Variants in RASAL2 observed in about 807,000 individuals in gnomAD.
RASAL2 encodes RAS protein activator like 2.
RASAL2 carries 58 observed loss-of-function variants against 128.9 expected under a neutral mutation model. That is an observed-to-expected ratio of 0.45 (90% CI 0.36 to 0.56). The LOEUF (loss-of-function observed/expected upper bound fraction) is 0.56, where lower values mean the gene tolerates loss of function less well. Among genes scored for constraint, RASAL2 ranks in the 20% least tolerant of loss-of-function variants. The probability of loss-of-function intolerance (pLI) is 0.00; values close to 1 mark genes in which losing one functional copy is unlikely to be tolerated. For synonymous variants in RASAL2, 561 were observed against 580.8 expected (o/e 0.97, Z 0.49); for missense variants, 1,360 against 1,601.6 (o/e 0.85, Z 2.57).
intron 1 of RASAL2, among the ~76,000 whole-genome samples, chr1:178,161,426 A>G (rs1661291284): frequency 6.6e-6 from 1 of 152,222 alleles, no homozygotes; most frequent in Non-Finnish European, 1.5e-5. Context: ...TTCAAGATTC[A>G]TCCATATTAT....
chr1:178,402,252 C>T lies in RASAL2; in HGVS notation c.564+12046C>T, dbSNP rs200552598. On this transcript the variant is annotated intron_variant, in intron 4 of 17. Coordinates refer to ENST00000367649, the MANE Select transcript of RASAL2 (RefSeq NM_170692.4). ...CCAACATGTTGAAAGCCCGTCTCTA[C>T]TAAAAATACAAAAAATTAGCCAGGT... Among the ~76,000 whole-genome samples the T allele has an allele frequency of 3.3e-5, 5 of 152,200 alleles. No homozygotes were observed. In the East Asian group the frequency reaches 9.7e-4, roughly 29 times the overall value.
chr1:178,274,193 T>C (rs187328762), intron 1 of RASAL2, among the ~76,000 whole-genome samples: 15 of 152,284 alleles, frequency 9.9e-5, no homozygotes, highest in Admixed American at 6.5e-4. Flanking sequence ...AGAGGTGATA[T>C]CACAGCATTG....
intron 3 of RASAL2, among the ~76,000 whole-genome samples, chr1:178,330,812 T>G (rs1264156378): frequency 6.6e-6 from 1 of 152,212 alleles, no homozygotes; most frequent in Admixed American, 6.5e-5. Flanking sequence ...ACCTTTCATC[T>G]TCATTTATGG....
intron 1 of RASAL2, among the ~76,000 whole-genome samples, chr1:178,222,267 C>A (rs746967991): frequency 8.6e-5 from 13 of 152,028 alleles, no homozygotes; most frequent in Non-Finnish European, 1.8e-4. Flanking sequence ...TTATTAATAT[C>A]TACCATATTA....
chr1:178,112,937 AATC>A (rs1362914236), intron 1 of RASAL2, among the ~76,000 whole-genome samples: 2 of 152,156 alleles, frequency 1.3e-5, no homozygotes, highest in African/African-American at 4.8e-5. Flanking sequence ...AAAAAAAAGA[AATC>A]ATGGTCTAGC....
chr1:178,323,800 C>T (rs1214537684), intron 3 of RASAL2, among the ~76,000 whole-genome samples: 2 of 152,042 alleles, frequency 1.3e-5, no homozygotes, highest in African/African-American at 4.8e-5. Context: ...CTTTTTGCTG[C>T]ATTTCACAAA....
intron 1 of RASAL2, among the ~76,000 whole-genome samples, chr1:178,281,620 A>C (rs1352709942): frequency 2.0e-5 from 3 of 152,282 alleles, no homozygotes; most frequent in South Asian, 2.1e-4. Flanking sequence ...TACAGTACGC[A>C]GTTTAGGTCA....
At chr1:178,152,807 T>C (rs1346332697) in intron 1 of RASAL2, among the ~76,000 whole-genome samples, 1 of 152,216 alleles carries the variant, frequency 6.6e-6, no homozygotes, top group East Asian at 1.9e-4. Flanking sequence ...GCCAGTCTTG[T>C]TTCGTTTGAA....
In RASAL2 at chr1:178,205,557, C is replaced by T. The variant is rs112230430; in HGVS notation, c.203-78007C>T. Among the ~76,000 whole-genome samples the T allele has an allele frequency of 2.2e-3, 331 of 151,970 alleles. 1 individual carries two copies. The highest frequency in any genetic ancestry group is 3.9e-3 in the Non-Finnish European group (263 of 67,974). Reference sequence around the variant, plus strand: ...TGATCACGACGTCAGGAGATCGAGACCATCCTGGCCAACATGGTGAAACCC... The same window carrying T: ...TGATCACGACGTCAGGAGATCGAGATCATCCTGGCCAACATGGTGAAACCC... On this transcript the variant is annotated intron_variant, in intron 1 of 17. Transcript: ENST00000367649.
intron 6 of RASAL2, among the ~76,000 whole-genome samples, chr1:178,441,059 G>A (rs1572078857): frequency 8.1e-6 from 1 of 123,602 alleles, no homozygotes; most frequent in South Asian, 2.3e-4. Context: ...AATTTCCTTG[G>A]ATGAATTTAA....
chr1:178,141,576 G>C (rs984548348), intron 1 of RASAL2, among the ~76,000 whole-genome samples: 11 of 151,776 alleles, frequency 7.2e-5, no homozygotes, highest in African/African-American at 2.4e-4. Flanking sequence ...AAACCCAAGT[G>C]CTGTTGGGGA....
chr1:178,467,543 C>T (rs10913556), intron 17 of RASAL2, 122 bp downstream of exon 17: 138,707 of 729,796 alleles, frequency 0.19, 19,056 homozygotes, highest in African/African-American at 0.59. Context: ...GTTCTAGACG[C>T]TACATTTTGA....
chr1:178,244,594 A>G (rs1664682963), intron 1 of RASAL2, among the ~76,000 whole-genome samples: 1 of 152,172 alleles, frequency 6.6e-6, no homozygotes, highest in Admixed American at 6.5e-5. Context: ...GTTCTGGGAT[A>G]TATGTGCTTA....
chr1:178,438,881 C>CTCTGTGTGTGTG (rs1239809916), intron 5 of RASAL2, among the ~76,000 whole-genome samples: 73 of 129,466 alleles, frequency 5.6e-4, no homozygotes, highest in African/African-American at 1.9e-3. Context: ...AGCTTCGACT[C>CTCTGTGTGTGTG]TGTGTGTGTG....
At chr1:178,305,616 G>A (rs1397395650) in intron 3 of RASAL2, among the ~76,000 whole-genome samples, 1 of 152,126 alleles carries the variant, frequency 6.6e-6, no homozygotes, top group African/African-American at 2.4e-5. Flanking sequence ...TGGGAAGACT[G>A]GGAGAAACTA....
chr1:178,097,266 A>C (rs1331278401), intron 1 of RASAL2, among the ~76,000 whole-genome samples: 2 of 152,208 alleles, frequency 1.3e-5, no homozygotes, highest in Non-Finnish European at 2.9e-5. Context: ...TTCAGCATAA[A>C]AGTGGAATCT....
chr1:178,287,648 G>A (rs1362109573), intron 2 of RASAL2, among the ~76,000 whole-genome samples: 2 of 152,106 alleles, frequency 1.3e-5, no homozygotes, highest in African/African-American at 2.4e-5. Flanking sequence ...ATATACTGTG[G>A]AATACTACTC....
At chr1:178,313,096 C>T (rs993279105) in intron 3 of RASAL2, among the ~76,000 whole-genome samples, 50 of 152,312 alleles carry the variant, frequency 3.3e-4, no homozygotes, top group Non-Finnish European at 5.9e-4. Flanking sequence ...GACCACTATG[C>T]TACAGTCTAC....
intron 3 of RASAL2, among the ~76,000 whole-genome samples, chr1:178,365,606 G>C (rs960119588): frequency 1.3e-5 from 2 of 152,032 alleles, no homozygotes; most frequent in Non-Finnish European, 2.9e-5. Flanking sequence ...CAAGTAGCTG[G>C]GATTACAGGC....
Sources: gnomAD v4.1 joint callset for allele counts (sites outside exome capture counted in the v4.1 genomes callset) on GRCh38, gnomAD v4.1.1 for gene constraint, MANE v1.5 for transcripts, NCBI Gene and HGNC (gene_info 2026-07-23, HGNC 2026-07-21) for gene names.